Variants in RNF212 observed in about 807,000 individuals in gnomAD.
The protein encoded by RNF212 is ring finger protein 212, also known as probable E3 SUMO-protein ligase RNF212.
Under a neutral mutation model 34.7 loss-of-function variants are expected in RNF212, and 33 were observed. The observed-to-expected ratio is 0.95, with a 90% CI of 0.72 to 1.27. The LOEUF is 1.27. RNF212 is among the 50% of genes most tolerant of loss of function. The pLI is 0.00. For missense variants in RNF212, 377 were observed against 362.2 expected, an observed-to-expected ratio of 1.04 and a Z score of -0.33; for synonymous variants, 140 against 136.1, an observed-to-expected ratio of 1.03 and a Z score of -0.20.
intron 4 of RNF212, among the ~76,000 whole-genome samples, chr4:1,088,777 C>A (rs1721735178): frequency 6.6e-6 from 1 of 152,226 alleles, no homozygotes; most frequent in South Asian, 2.1e-4. Flanking sequence ...TGGCTCCAGC[C>A]ATGACTAAAA....
chr4:1,084,444 T>C (rs1047365844), intron 5 of RNF212, among the ~76,000 whole-genome samples: 8 of 151,988 alleles, frequency 5.3e-5, no homozygotes, highest in South Asian at 2.1e-4. Context: ...TGAAAATACA[T>C]TGTGGCCGGG....
chr4:1,058,863 C>G (rs971545724), intron 3 of RNF212, among the ~76,000 whole-genome samples: 1 of 152,200 alleles, frequency 6.6e-6, no homozygotes, highest in Admixed American at 6.5e-5. Flanking sequence ...ACTCAATGAG[C>G]ATCTGGAGCA....
At chr4:1,080,832 A>G (rs540911745) in intron 7 of RNF212, among the ~76,000 whole-genome samples, 6 of 152,338 alleles carry the variant, frequency 3.9e-5, no homozygotes, top group Admixed American at 2.0e-4. Context: ...TGTGCCTTCC[A>G]TCTGAAGAGC....
intron 2 of RNF212, among the ~76,000 whole-genome samples, chr4:1,099,260 GAA>G (rs1318558897): frequency 1.3e-5 from 2 of 152,118 alleles, no homozygotes; most frequent in Non-Finnish European, 2.9e-5. Context: ...TGTGCTTCAA[GAA>G]AAAGACATTT....
chr4:1,094,681 C>A (rs1722770299), intron 3 of RNF212, among the ~76,000 whole-genome samples: 1 of 152,136 alleles, frequency 6.6e-6, no homozygotes, highest in South Asian at 2.1e-4. Flanking sequence ...GGATTGGAGG[C>A]CTGGGAGGCA....
At chr4:1,067,663 G>A (rs1471775262), downstream of RNF212, among the ~76,000 whole-genome samples, 2 of 152,140 alleles carry the variant, frequency 1.3e-5, no homozygotes, top group Non-Finnish European at 1.5e-5. Flanking sequence ...CCAGGGGATC[G>A]AGGCCAGCCT....
At chr4:1,091,064 C>T (rs1173701068) in intron 3 of RNF212, among the ~76,000 whole-genome samples, 4 of 152,256 alleles carry the variant, frequency 2.6e-5, no homozygotes, top group African/African-American at 9.6e-5. Flanking sequence ...CCCCAGCAAC[C>T]TGCTCCATTC....
chr4:1,079,870 C>T (rs1720041916), intron 7 of RNF212, among the ~76,000 whole-genome samples, 182 bp from the exon 8 acceptor site: 1 of 152,260 alleles, frequency 6.6e-6, no homozygotes, highest in Non-Finnish European at 1.5e-5. Flanking sequence ...TCTTTAGGGC[C>T]ACCCGCCGTC....
Position 1,085,879 on chromosome 4 carries a change from G to C in RNF212, c.362+17C>G, listed in dbSNP as rs540539692. 5.1e-5 allele frequency: 81 copies of C among 1,596,784 alleles called. No individual in the cohort carries two copies. Among genetic ancestry groups the C allele is most frequent in the East Asian group, 8.9e-5 (4 of 44,794 alleles). ...GGGTGCCTCGACTGCGCACTCACGG[G>C]GGGTGGGGCGCCTTACCTTTGTAGT... is the stretch of plus-strand genomic sequence containing the variant. On this transcript the variant is annotated intron_variant, in intron 5 of 9. Transcript: ENST00000433731.
chr4:1,058,167 C>A (rs919855879), intron 4 of RNF212, among the ~76,000 whole-genome samples: 1 of 150,510 alleles, frequency 6.6e-6, no homozygotes, highest in Non-Finnish European at 1.5e-5. Flanking sequence ...AGCACTAATT[C>A]TCTCTGGTGA....
chr4:1,095,875 T>A (rs1722998104), intron 3 of RNF212, among the ~76,000 whole-genome samples: 1 of 77,882 alleles, frequency 1.3e-5, no homozygotes, highest in Non-Finnish European at 2.3e-5. Context: ...CCCCCACAGC[T>A]CCATGGTCTC....
In RNF212 at chr4:1,071,767, A is replaced by G. The variant is rs1300806027; in HGVS notation, c.*1107T>C. 3 of 152,288 alleles carry G rather than the reference A, an allele frequency of 2.0e-5. No homozygotes were observed. The highest frequency in any genetic ancestry group is 4.8e-5 in the African/African-American group (2 of 41,480). 9.4% of individuals were successfully genotyped at this position (152,288 alleles called of 1,614,324 possible). A position where few individuals can be genotyped will look rare whatever the true frequency, so the allele number is the denominator to read the frequency against. ...GCTGGCCAAAATCCAGAACACTGAC[A>G]TCATCAAATGTGAGGACGTGGAGCA... is the stretch of plus-strand genomic sequence containing the variant. On this transcript the variant is annotated 3_prime_UTR_variant, in exon 10 of 10. Transcript: ENST00000433731.
chr4:1,070,255 A>G (rs1464653251), downstream of RNF212, among the ~76,000 whole-genome samples: 94 of 93,250 alleles, frequency 1.0e-3, no homozygotes, highest in South Asian at 1.5e-3. Context: ...GTTTTGTAGG[A>G]CTGTGCTGTG....
At chr4:1,091,341 T>C (rs2153052139) in intron 3 of RNF212, among the ~76,000 whole-genome samples, 1 of 152,150 alleles carries the variant, frequency 6.6e-6, no homozygotes, top group East Asian at 1.9e-4. Context: ...ATGCATGCTG[T>C]CTAGACAGCT....
At chr4:1,058,628 A>G (rs1300736849) in intron 3 of RNF212, among the ~76,000 whole-genome samples, 3 of 152,184 alleles carry the variant, frequency 2.0e-5, no homozygotes, top group African/African-American at 4.8e-5. Flanking sequence ...GGGCGTAAAT[A>G]TCCTACATTT....
chr4:1,090,668 C>T, intron 4 of RNF212, 114 bp downstream of exon 4: 1 of 713,144 alleles, frequency 1.4e-6, no homozygotes, highest in Non-Finnish European at 2.5e-6. Context: ...CACAGAGAAA[C>T]AGATATTGCA....
chr4:1,060,638 T>C (rs891498315), intron 3 of RNF212, among the ~76,000 whole-genome samples: 26 of 152,240 alleles, frequency 1.7e-4, no homozygotes, highest in African/African-American at 6.3e-4. Context: ...GATGTCCATT[T>C]GAAAAATTTA....
At position 1,093,658 on chromosome 4, in the gene RNF212, C is replaced by T; in HGVS notation, c.247-2820G>A. The stretch of plus-strand genomic sequence containing the variant: ...CTGAGACAGCACCTGGCCTCTGCAG[C>T]ACTTGGCAAAACCACCCTGGAGCGC... On this transcript the variant is annotated intron_variant, in intron 3 of 9. Coordinates refer to ENST00000433731, the MANE Select transcript of RNF212 (RefSeq NM_001131034.4). 3 of 1,535,980 alleles carry T rather than the reference C, an allele frequency of 2.0e-6. No individual in the cohort carries two copies. In the East Asian group the frequency reaches 7.3e-5, roughly 38 times the overall value.
intron 2 of RNF212, 24 bp from the exon 3 acceptor site, chr4:1,096,863 A>G: frequency 6.5e-7 from 1 of 1,544,784 alleles, no homozygotes; most frequent in Non-Finnish European, 9.0e-7. Context: ...AAATGACTCT[A>G]CATTTATTGT....
Sources: gnomAD v4.1 joint callset for allele counts (sites outside exome capture counted in the v4.1 genomes callset) on GRCh38, gnomAD v4.1.1 for gene constraint, MANE v1.5 for transcripts, NCBI Gene and HGNC (gene_info 2026-07-23, HGNC 2026-07-21) for gene names.